DDX25: variants seen among roughly 807,000 people sequenced by gnomAD.
DDX25 encodes ATP-dependent RNA helicase DDX25.
DDX25 carries 70 observed loss-of-function variants against 64.6 expected under a neutral mutation model. The ratio of observed to expected loss-of-function variants is 1.08; its 90% CI spans 0.89 to 1.32. The LOEUF is 1.32. DDX25 is among the 40% of genes most tolerant of loss of function. The pLI is 0.00. For synonymous variants in DDX25, 211 were observed against 213.3 expected (o/e 0.99, Z 0.09); for missense variants, 587 against 604.4 (o/e 0.97, Z 0.30).
intron 10 of DDX25, chr11:125,920,919 T>TACACAC (rs3034729): frequency 0.037 from 9,771 of 265,124 alleles, 559 homozygotes; most frequent in African/African-American, 0.17. Context: ...CACACACACA[T>TACACAC]ACACACACAC....
chr11:125,910,588 AC>A, intron 7 of DDX25, 110 bp downstream of exon 7: 1 of 885,428 alleles, frequency 1.1e-6, no homozygotes. Context: ...GGGAAATAAT[AC>A]CACTCATGTC....
At chr11:125,920,135 A>G (rs1480609465) in intron 10 of DDX25, among the ~76,000 whole-genome samples, 2 of 152,162 alleles carry the variant, frequency 1.3e-5, no homozygotes, top group African/African-American at 2.4e-5. Context: ...GCAGCCTTCA[A>G]TCTGAAAGGG....
rs3034729 is a variant in DDX25 at position 125,920,919 on chromosome 11, TACACACACAC to T, written c.1202-247_1202-238del. On this transcript the variant is annotated intron_variant, in intron 10 of 11. Coordinates refer to ENST00000263576, the MANE Select transcript of DDX25 (RefSeq NM_013264.5). ...GGCACCTCTCCACCACACACACACA[TACACACACAC>T]ACACACACACACACACACACACACG... 15,975 of 265,050 alleles carry T rather than the reference TACACACACAC, an allele frequency of 0.06. 342 individuals carry two copies. Among genetic ancestry groups the T allele is most frequent in the East Asian group, 0.13 (1,897 of 14,868 alleles). The allele number at this position is 265,050 out of a possible 1,614,324, so 16.4% of individuals were successfully genotyped here.
At chr11:125,907,589 C>G (rs1279894772) in intron 4 of DDX25, among the ~76,000 whole-genome samples, 1 of 150,932 alleles carries the variant, frequency 6.6e-6, no homozygotes. Context: ...GCCTGGGCGA[C>G]AGAGCAAGAC....
chr11:125,910,636 A>C (rs1944954197), intron 7 of DDX25, among the ~76,000 whole-genome samples, 158 bp downstream of exon 7: 1 of 152,236 alleles, frequency 6.6e-6, no homozygotes, highest in African/African-American at 2.4e-5. Flanking sequence ...ACGTTGGTAA[A>C]GCATTGTACA....
chr11:125,917,146 C>T lies in DDX25; in HGVS notation c.933C>T (p.Asn311=), dbSNP rs1403991785. 1 of 1,611,168 alleles carries T rather than the reference C, an allele frequency of 6.2e-7. No homozygotes were observed. The highest frequency in any genetic ancestry group is 8.5e-7 in the Non-Finnish European group (1 of 1,178,894). ...KLRKEELTLN[N]IRQYYVLCEH... ...GCAAAGAGGAGCTCACACTGAACAA[C>T]ATCCGGCAATATTACGTGCTGTGTG... Residue 311 remains asparagine, a synonymous_variant, in exon 9 of 12, where the codon AAC becomes AAT. Transcript: ENST00000263576.
chr11:125,905,888 G>A (rs553173660), intron 3 of DDX25, among the ~76,000 whole-genome samples, 186 bp from the exon 4 acceptor site: 11 of 152,314 alleles, frequency 7.2e-5, no homozygotes, highest in Admixed American at 2.0e-4. Flanking sequence ...GTAACAGAGC[G>A]TAAGAAACTG....
chr11:125,908,305 G>A lies in DDX25; in HGVS notation c.404+17G>A. The A allele has an allele frequency of 1.9e-6, 3 of 1,613,512 alleles. No homozygotes were observed. The highest frequency in any genetic ancestry group is 2.5e-6 in the Non-Finnish European group (3 of 1,179,670). ...GGCACATCCGTGAGTTTCCAGGGTA[G>A]TGGTATTCTACTTGGTTATGTTTAG... On this transcript the variant is annotated intron_variant, in intron 5 of 11. Coordinates refer to ENST00000263576, the MANE Select transcript of DDX25 (RefSeq NM_013264.5).
At chr11:125,920,085 G>T (rs1021678986) in intron 10 of DDX25, among the ~76,000 whole-genome samples, 2 of 152,218 alleles carry the variant, frequency 1.3e-5, no homozygotes, top group Non-Finnish European at 2.9e-5. Context: ...TGTTGAGAAG[G>T]AAGGTACAGT....
At chr11:125,914,431 A>C (rs1945009565) in intron 8 of DDX25, among the ~76,000 whole-genome samples, 1 of 152,104 alleles carries the variant, frequency 6.6e-6, no homozygotes, top group African/African-American at 2.4e-5. Flanking sequence ...GCATATTTTC[A>C]CTTGATCTCC....
intron 4 of DDX25, among the ~76,000 whole-genome samples, chr11:125,906,942 A>G (rs1944897230): frequency 6.6e-6 from 1 of 152,118 alleles, no homozygotes; most frequent in Admixed American, 6.5e-5. Context: ...AGGGGGATAG[A>G]TAGCTAAGCT....
upstream of DDX25, chr11:125,904,322 C>T (rs531012706): frequency 2.5e-6 from 1 of 403,724 alleles, no homozygotes; most frequent in African/African-American, 2.1e-5. Flanking sequence ...TCTCTGCCCC[C>T]CGCCCCGCTC....
Position 125,911,353 on chromosome 11 carries a change from C to A in DDX25, c.665C>A (p.Thr222Asn). ...ATCACTAAACAGATTATAATTGGCA[C>A]TCCTGGGACTGTCCTAGATTGGTGT... ...TDITKQIIIG[T>N]PGTVLDWCFK... The change falls in exon 8 of 12, where the codon ACT becomes AAT. Residue 222 changes from threonine to asparagine, a missense_variant. By Grantham distance (65) the Thr-to-Asn change is moderately conservative. Transcript: ENST00000263576. 1 of 1,613,686 alleles carries A rather than the reference C, an allele frequency of 6.2e-7. No individual in the cohort carries two copies. The highest frequency in any genetic ancestry group is 8.5e-7 in the Non-Finnish European group (1 of 1,179,758).
At chr11:125,908,789 C>T (rs941550374) in intron 6 of DDX25, among the ~76,000 whole-genome samples, 40 of 152,192 alleles carry the variant, frequency 2.6e-4, no homozygotes, top group African/African-American at 9.2e-4. Context: ...AAGATAGCAT[C>T]TGTAAAGGAA....
chr11:125,904,708 A>G, intron 1 of DDX25, 128 bp downstream of exon 1: 1 of 1,121,800 alleles, frequency 8.9e-7, no homozygotes, highest in Non-Finnish European at 1.3e-6. Flanking sequence ...TGGAGGGGAG[A>G]TGCGGGAAGG....
At chr11:125,909,651 CTTT>C (rs1288646992) in intron 6 of DDX25, among the ~76,000 whole-genome samples, 6 of 139,918 alleles carry the variant, frequency 4.3e-5, no homozygotes, top group Admixed American at 7.2e-5. Flanking sequence ...AATAGGCAGT[CTTT>C]TTTTTTTTTT....
chr11:125,919,436 G>A (rs1270123017), intron 10 of DDX25, among the ~76,000 whole-genome samples: 2 of 152,018 alleles, frequency 1.3e-5, no homozygotes, highest in Non-Finnish European at 2.9e-5. Context: ...CCATTCTAGT[G>A]GCTGTATACT....
chr11:125,910,592 C>G, intron 7 of DDX25, 114 bp downstream of exon 7: 2 of 864,472 alleles, frequency 2.3e-6, no homozygotes, highest in Non-Finnish European at 3.7e-6. Context: ...AATAATACCA[C>G]TCATGTCATA....
chr11:125,908,306 TG>T lies in DDX25; in HGVS notation c.404+20del. On this transcript the variant is annotated intron_variant, in intron 5 of 11. Transcript: ENST00000263576. ...GCACATCCGTGAGTTTCCAGGGTAG[TG>T]GTATTCTACTTGGTTATGTTTAGTT... 1 of 1,613,410 alleles carries T rather than the reference TG, an allele frequency of 6.2e-7. No homozygotes were observed. Among genetic ancestry groups the T allele is most frequent in the South Asian group, 1.1e-5 (1 of 90,960 alleles).
Sources: allele counts gnomAD v4.1 joint callset (sites outside exome capture counted in the v4.1 genomes callset), GRCh38; gene constraint gnomAD v4.1.1; transcripts MANE v1.5; gene names NCBI Gene and HGNC (gene_info 2026-07-23, HGNC 2026-07-21).